The following RBMS3 variants were observed in gnomAD, a reference collection of about 807,000 sequenced individuals.
RBMS3 encodes the protein RNA binding motif single stranded interacting protein 3.
RBMS3 carries 27 observed loss-of-function variants against 66.8 expected under a neutral mutation model. That is an observed-to-expected ratio of 0.40 (90% CI 0.30 to 0.56). The LOEUF (loss-of-function observed/expected upper bound fraction) is 0.56. Among genes scored for constraint, RBMS3 ranks in the 20% least tolerant of loss-of-function variants. The pLI is 0.40. For missense variants in RBMS3, 513 were observed against 549.5 expected (o/e 0.93, Z 0.66); for synonymous variants, 188 against 183.0 (o/e 1.03, Z -0.22).
intron 3 of RBMS3, among the ~76,000 whole-genome samples, chr3:29,586,273 G>GCT (rs900757462): frequency 9.4e-4 from 143 of 152,152 alleles, no homozygotes; most frequent in African/African-American, 3.3e-3. Context: ...TGGACTATTA[G>GCT]CTAGCTTAAG....
At chr3:29,304,986 C>T (rs1332070377) in intron 1 of RBMS3, among the ~76,000 whole-genome samples, 1 of 151,932 alleles carries the variant, frequency 6.6e-6, no homozygotes, top group African/African-American at 2.4e-5. Flanking sequence ...CAACTATCTT[C>T]TCTGCCCCTG....
At chr3:29,311,749 G>A (rs915639360) in intron 1 of RBMS3, among the ~76,000 whole-genome samples, 1 of 151,734 alleles carries the variant, frequency 6.6e-6, no homozygotes, top group East Asian at 1.9e-4. Flanking sequence ...CTTGAATAGC[G>A]GAAGAGAAGA....
At chr3:29,783,108 A>C (rs2056695500) in intron 6 of RBMS3, among the ~76,000 whole-genome samples, 1 of 152,222 alleles carries the variant, frequency 6.6e-6, no homozygotes, top group Middle Eastern at 3.2e-3. Context: ...GAAACCTAAA[A>C]GTTTTGAAAA....
chr3:29,473,358 T>G (rs1284260911), intron 2 of RBMS3, among the ~76,000 whole-genome samples: 3 of 152,162 alleles, frequency 2.0e-5, no homozygotes, highest in African/African-American at 4.8e-5. Context: ...AGATACAGAG[T>G]ATCGATTGGT....
chr3:29,349,922 G>T (rs1409196125), intron 1 of RBMS3, among the ~76,000 whole-genome samples: 1 of 152,132 alleles, frequency 6.6e-6, no homozygotes, highest in Non-Finnish European at 1.5e-5. Flanking sequence ...CATTTTGGGA[G>T]GCCAAGGTGG....
rs555429782 is a variant in RBMS3, at chr3:29,704,179, G to A, written c.400-35541G>A. 1.4e-4 allele frequency among the ~76,000 whole-genome samples: 21 copies of A among 152,120 alleles called. 1 individual carries two copies. Among genetic ancestry groups the A allele is most frequent in the Admixed American group, 1.4e-3 (21 of 15,278 alleles). On this transcript the variant is annotated intron_variant, in intron 4 of 14. Coordinates refer to ENST00000383767, the MANE Select transcript of RBMS3 (RefSeq NM_001003793.3). ...AATAGAAATAAACTGCACAATAAAC[G>A]TAATGCGCTTGAATCATCCCAAAAC...
intron 1 of RBMS3, among the ~76,000 whole-genome samples, chr3:29,422,274 A>G (rs929441107): frequency 3.9e-5 from 6 of 152,156 alleles, no homozygotes; most frequent in Admixed American, 2.0e-4. Context: ...ATGCCCTTTA[A>G]CTGCCAGTCT....
chr3:29,653,421 C>G (rs1678119306), intron 4 of RBMS3, among the ~76,000 whole-genome samples: 1 of 152,132 alleles, frequency 6.6e-6, no homozygotes, highest in African/African-American at 2.4e-5. Flanking sequence ...ATGCATAACG[C>G]TGTTTAAAGT....
At chr3:29,838,531 A>G (rs1287408092) in intron 6 of RBMS3, among the ~76,000 whole-genome samples, 1 of 152,096 alleles carries the variant, frequency 6.6e-6, no homozygotes, top group African/African-American at 2.4e-5. Context: ...CTTAAGTCTA[A>G]TTGATAATAA....
At chr3:29,311,281 T>A (rs1376692317) in intron 1 of RBMS3, among the ~76,000 whole-genome samples, 3 of 151,782 alleles carry the variant, frequency 2.0e-5, no homozygotes, top group Non-Finnish European at 4.4e-5. Flanking sequence ...CTAATATACC[T>A]CTTCTCTGAA....
chr3:29,357,523 T>C (rs2125572245), intron 1 of RBMS3, among the ~76,000 whole-genome samples: 1 of 152,210 alleles, frequency 6.6e-6, no homozygotes, highest in East Asian at 1.9e-4. Context: ...GTGCATGTGT[T>C]TTTATAGCAG....
chr3:29,579,343 G>A (rs1171586365), intron 3 of RBMS3, among the ~76,000 whole-genome samples: 1 of 152,144 alleles, frequency 6.6e-6, no homozygotes, highest in East Asian at 1.9e-4. Context: ...ATGGATTAAA[G>A]TACCTGGGAA....
At chr3:29,927,221 A>C (rs2060961901) in intron 10 of RBMS3, 1 of 152,194 alleles carries the variant, frequency 6.6e-6, no homozygotes, top group Non-Finnish European at 1.5e-5. Context: ...TTTTACGTCC[A>C]TCTTTTTGGC....
chr3:29,884,012 G>C, intron 7 of RBMS3, 150 bp from the exon 8 acceptor site: 2 of 608,540 alleles, frequency 3.3e-6, no homozygotes, highest in Non-Finnish European at 5.6e-6. Context: ...AAAAATGCTA[G>C]TCTTGGCAGT....
chr3:29,319,872 G>A (rs942699123), intron 1 of RBMS3, among the ~76,000 whole-genome samples: 1 of 151,948 alleles, frequency 6.6e-6, no homozygotes, highest in Non-Finnish European at 1.5e-5. Context: ...AAGGACATAG[G>A]AAGCACCCTT....
chr3:29,992,241 AATTT>A (rs766215991), intron 14 of RBMS3, among the ~76,000 whole-genome samples: 18 of 152,324 alleles, frequency 1.2e-4, no homozygotes, highest in Admixed American at 2.6e-4. Context: ...ATTAAGAAAT[AATTT>A]ATTTATTAGG....
intron 3 of RBMS3, among the ~76,000 whole-genome samples, chr3:29,537,836 A>AAAAG (rs542999055): frequency 0.01 from 1,533 of 150,920 alleles, 28 homozygotes; most frequent in African/African-American, 0.036. Flanking sequence ...AAAAAAAAAA[A>AAAAG]AAAGAAAGAA....
intron 4 of RBMS3, among the ~76,000 whole-genome samples, chr3:29,649,440 T>A (rs28463209): frequency 4.6e-5 from 7 of 152,224 alleles, no homozygotes; most frequent in South Asian, 2.1e-4. Flanking sequence ...TTACTTTTTT[T>A]AAATTTTTCA....
intron 3 of RBMS3, among the ~76,000 whole-genome samples, chr3:29,502,671 T>G (rs191904078): frequency 6.6e-6 from 1 of 152,298 alleles, no homozygotes; most frequent in East Asian, 1.9e-4. Flanking sequence ...AAAATCATTT[T>G]CCTTTTTTAT....
Sources: gnomAD v4.1 joint callset for allele counts (sites outside exome capture counted in the v4.1 genomes callset) on GRCh38, gnomAD v4.1.1 for gene constraint, MANE v1.5 for transcripts, NCBI Gene and HGNC (gene_info 2026-07-23, HGNC 2026-07-21) for gene names.